The following EVL variants were observed in gnomAD, a reference collection of about 807,000 sequenced individuals.
EVL encodes the protein ena/VASP-like protein.
In EVL, 21 loss-of-function variants were observed where a neutral mutation model predicts 59.6. The observed-to-expected ratio is 0.35, with a 90% CI of 0.25 to 0.51. The LOEUF is 0.51. Among genes scored for constraint, EVL ranks in the 20% least tolerant of loss-of-function variants. The pLI is 0.97. For synonymous variants in EVL, 198 were observed against 203.5 expected (o/e 0.97, Z 0.23); for missense variants, 462 against 546.6 (o/e 0.85, Z 1.54).
chr14:100,072,931 G>A (rs752261222), intron 1 of EVL, among the ~76,000 whole-genome samples: 2 of 152,216 alleles, frequency 1.3e-5, no homozygotes, highest in Non-Finnish European at 2.9e-5. Flanking sequence ...AGGCTCTGCC[G>A]CGGATCAGCC....
chr14:99,982,885 CTT>C (rs980530253), intron 1 of EVL, among the ~76,000 whole-genome samples: 5 of 152,272 alleles, frequency 3.3e-5, no homozygotes, highest in African/African-American at 7.2e-5. Context: ...TATCAGCTGA[CTT>C]TTAGCAATTT....
chr14:100,120,133 T>A (rs527601967), intron 3 of EVL, among the ~76,000 whole-genome samples: 30 of 152,324 alleles, frequency 2.0e-4, no homozygotes, highest in Admixed American at 1.0e-3. Context: ...CAGGGCATCG[T>A]TACACTGCTG....
chr14:100,135,911 C>G lies in EVL; in HGVS notation c.907C>G (p.Pro303Ala). 6.2e-7 allele frequency: 1 copy of G among 1,613,962 alleles called. No homozygotes were observed. Among genetic ancestry groups the G allele is most frequent in the South Asian group, 1.1e-5 (1 of 91,086 alleles). Residue 303 changes from proline (P) to alanine (A), a missense_variant, in exon 9 of 14, where the codon CCT (proline) becomes GCT (alanine). By Grantham distance (27) the Pro-to-Ala change is conservative. Transcript: ENST00000392920. ...KKEDESQMED[P>A]STSPSPGTRA... ...CCCTTCTTCTCCATTTTAGGAAGAT[C>G]CTAGTACCTCCCCCTCTCCGGGGAC...
intron 1 of EVL, among the ~76,000 whole-genome samples, chr14:99,979,759 C>A (rs1335086769): frequency 6.6e-6 from 1 of 152,164 alleles, no homozygotes; most frequent in African/African-American, 2.4e-5. Context: ...GTCCCAGCTA[C>A]TCGGGAGGCT....
chr14:100,109,800 G>A lies in EVL; in HGVS notation c.358+12142G>A, dbSNP rs61984547. 0.028 allele frequency: 13,453 copies of A among 478,116 alleles called. 273 individuals are homozygous for A. The highest frequency in any genetic ancestry group is 0.042 in the Non-Finnish European group (9,491 of 227,028). The allele number at this position is 478,116 out of a possible 1,614,324, so 29.6% of individuals were successfully genotyped here. ...CACGCCTTCTCCAGCCACAGCCTAT[G>A]GAAGGGCCTTCAGCTGCTGTGGCCC... On this transcript the variant is annotated intron_variant, in intron 3 of 13. Transcript: ENST00000392920. The surrounding 1 kb of genome is among the most constrained non-coding windows in gnomAD (Gnocchi z 4.3).
chr14:100,081,919 G>A (rs1567005485), intron 1 of EVL, among the ~76,000 whole-genome samples: 1 of 152,210 alleles, frequency 6.6e-6, no homozygotes, highest in African/African-American at 2.4e-5. Flanking sequence ...GGGCAACATG[G>A]TAAAACCCTG....
intron 1 of EVL, among the ~76,000 whole-genome samples, chr14:99,979,677 G>A (rs1229425206): frequency 2.0e-5 from 3 of 152,030 alleles, no homozygotes; most frequent in Non-Finnish European, 1.5e-5. Context: ...ACACCATCCT[G>A]GCTAATATGG....
intron 1 of EVL, among the ~76,000 whole-genome samples, chr14:100,056,783 C>G (rs2061740730): frequency 6.6e-6 from 1 of 152,110 alleles, no homozygotes; most frequent in Admixed American, 6.6e-5. Context: ...CTATCTGTCC[C>G]CTTTTCATAT....
intron 1 of EVL, among the ~76,000 whole-genome samples, chr14:100,022,321 G>T (rs1229461443): frequency 6.8e-6 from 1 of 146,218 alleles, no homozygotes; most frequent in East Asian, 2.1e-4. Flanking sequence ...TCTGTCACCC[G>T]GGCTGGAGTG....
At chr14:100,102,210 T>C in intron 3 of EVL, 1 of 454,402 alleles carries the variant, frequency 2.2e-6, no homozygotes, top group Non-Finnish European at 4.4e-6. Flanking sequence ...TTTTCTGTTA[T>C]TTTTATCAGT....
At chr14:100,067,271 C>T (rs571862486) in intron 1 of EVL, among the ~76,000 whole-genome samples, 32 of 152,160 alleles carry the variant, frequency 2.1e-4, no homozygotes, top group Non-Finnish European at 4.1e-4. Flanking sequence ...CATGGGGATA[C>T]CGTGGCGCCT....
At chr14:99,986,848 C>T (rs1457895192) in intron 1 of EVL, among the ~76,000 whole-genome samples, 1 of 151,990 alleles carries the variant, frequency 6.6e-6, no homozygotes, top group South Asian at 2.1e-4. Context: ...GACAAAGTAC[C>T]CACATACAAA....
chr14:100,071,930 C>G (rs761066384), intron 1 of EVL, among the ~76,000 whole-genome samples: 43 of 152,106 alleles, frequency 2.8e-4, no homozygotes, highest in Non-Finnish European at 5.7e-4. Flanking sequence ...AAACCTGTTT[C>G]ACACCTGTGC....
intron 1 of EVL, among the ~76,000 whole-genome samples, chr14:100,048,082 C>T (rs1213664469): frequency 6.6e-6 from 1 of 152,202 alleles, no homozygotes; most frequent in Non-Finnish European, 1.5e-5. Context: ...TTAGACATGA[C>T]AGCGAAAGCA....
chr14:100,065,361 T>G, upstream of EVL: 1 of 929,864 alleles, frequency 1.1e-6, no homozygotes, highest in Non-Finnish European at 1.4e-6. Flanking sequence ...TGGTTCAGCT[T>G]CCTTTTCCTG....
rs915247106 is a variant in EVL at position 100,130,312 on chromosome 14, A to G, written c.839+628A>G. On this transcript the variant is annotated intron_variant, in intron 7 of 13. Transcript: ENST00000392920. The surrounding 1 kb of genome is among the most constrained non-coding windows in gnomAD (Gnocchi z 4.8). ...GCTGTTCCCCAAATGAAACCCGAGC[A>G]GATGGGGAGATCGTCCAGGTCTTTC... Among the ~76,000 whole-genome samples the G allele has an allele frequency of 2.0e-5, 3 of 152,274 alleles. No individual in the cohort carries two copies. The highest frequency in any genetic ancestry group is 4.4e-5 in the Non-Finnish European group (3 of 68,054).
intron 4 of EVL, among the ~76,000 whole-genome samples, chr14:100,125,919 C>G (rs1470945343): frequency 6.6e-6 from 1 of 152,216 alleles, no homozygotes; most frequent in Non-Finnish European, 1.5e-5. Context: ...GTTTCTGGCA[C>G]TCCCACCAAG....
intron 3 of EVL, among the ~76,000 whole-genome samples, chr14:100,122,115 C>T (rs1041188523): frequency 3.3e-5 from 5 of 152,226 alleles, no homozygotes; most frequent in African/African-American, 7.2e-5. Context: ...GAATCCCTCC[C>T]GCCTCAGCCA....
chr14:100,098,808 T>C (rs1283319798), intron 3 of EVL, among the ~76,000 whole-genome samples: 3 of 152,360 alleles, frequency 2.0e-5, no homozygotes, highest in Non-Finnish European at 4.4e-5. Context: ...TTGAGCAAGT[T>C]ACTGAATGTT....
Sources: allele counts gnomAD v4.1 joint callset (sites outside exome capture counted in the v4.1 genomes callset), GRCh38; gene constraint gnomAD v4.1.1; non-coding constraint Gnocchi (gnomAD v3.1); transcripts MANE v1.5; gene names NCBI Gene and HGNC (gene_info 2026-07-23, HGNC 2026-07-21).